CATSPERZ: variants seen among roughly 807,000 people sequenced by gnomAD.
CATSPERZ encodes the protein cation channel sperm-associated auxiliary subunit zeta.
A neutral mutation model predicts 21.7 loss-of-function variants in CATSPERZ; 21 were observed. The ratio of observed to expected loss-of-function variants is 0.97; its 90% CI spans 0.69 to 1.39. CATSPERZ has a LOEUF of 1.39. Ranked by LOEUF, CATSPERZ falls within the 40% of genes most tolerant of loss-of-function variation. CATSPERZ has a pLI of 0.00. For synonymous variants in CATSPERZ, 127 were observed against 108.7 expected, an observed-to-expected ratio of 1.17 and a Z score of -1.05; for missense variants, 234 against 259.5, an observed-to-expected ratio of 0.90 and a Z score of 0.68.
rs1445131565 is a variant in CATSPERZ, at chr11:64,304,650, C to T, written c.*4C>T. 1 of 1,561,902 alleles carries T rather than the reference C, an allele frequency of 6.4e-7. No homozygotes were observed. The highest frequency in any genetic ancestry group is 1.4e-5 in the African/African-American group (1 of 73,558). On this transcript the variant is annotated 3_prime_UTR_variant, in exon 5 of 5. Coordinates refer to ENST00000328404, the MANE Select transcript of CATSPERZ (RefSeq NM_001039496.2). ...CAAGAGGCTGTACGTGAATTAAAAA[C>T]GCCACCTTGGGCTCGAGCAGCGACC...
intron 1 of CATSPERZ, 47 bp downstream of exon 1, chr11:64,300,478 C>A: frequency 1.3e-6 from 2 of 1,567,146 alleles, no homozygotes; most frequent in Non-Finnish European, 1.7e-6. Context: ...CCAACCCACC[C>A]TTGGTCCGAC....
chr11:64,304,672 G>T lies in CATSPERZ; in HGVS notation c.*26G>T. The T allele has an allele frequency of 6.5e-7, 1 of 1,547,736 alleles. No homozygotes were observed. Among genetic ancestry groups the T allele is most frequent in the South Asian group, 1.2e-5 (1 of 84,130 alleles). On this transcript the variant is annotated 3_prime_UTR_variant, in exon 5 of 5. Coordinates refer to ENST00000328404, the MANE Select transcript of CATSPERZ (RefSeq NM_001039496.2). ...AAACGCCACCTTGGGCTCGAGCAGC[G>T]ACCCGAACCAGCCCCGTGCCAGCCC...
intron 2 of CATSPERZ, 96 bp downstream of exon 2, chr11:64,301,083 G>A: frequency 8.4e-7 from 1 of 1,186,852 alleles, no homozygotes; most frequent in Non-Finnish European, 1.2e-6. Context: ...AAGCTGATGG[G>A]ATCCAAGTTT....
Position 64,300,726 on chromosome 11 carries a change from T to G in CATSPERZ, c.91T>G (p.Trp31Gly). The change falls in exon 2 of 5, where the codon TGG becomes GGG. Residue 31 changes from tryptophan to glycine, a missense_variant. Transcript: ENST00000328404. ...ESVHSDTRDL[W>G]TTTTLSQAQL... Reference sequence around the variant, plus strand: ...CGTGCATAGCGACACTCGGGACCTGTGGACCACGACCACGCTGTCCCAGGC... The same window carrying G: ...CGTGCATAGCGACACTCGGGACCTGGGGACCACGACCACGCTGTCCCAGGC... 6.4e-7 allele frequency: 1 copy of G among 1,551,460 alleles called. No homozygotes were observed. The highest frequency in any genetic ancestry group is 1.2e-5 in the South Asian group (1 of 84,116).
chr11:64,303,533 G>A lies in CATSPERZ; in HGVS notation c.404G>A (p.Arg135Gln). The A allele has an allele frequency of 3.1e-6, 5 of 1,613,438 alleles. No individual in the cohort carries two copies. In the Admixed American group the frequency reaches 5.0e-5, roughly 16 times the overall value. ...SLNIAKHMPH[R>Q]AYWAEQQSRL... ...AATATTGCGAAGCACATGCCCCATC[G>A]AGCCTACTGGGCAGAGCAGCAGAGC... Residue 135 changes from arginine (R) to glutamine (Q), a missense_variant, in exon 3 of 5, where the codon CGA becomes CAA. Transcript: ENST00000328404.
rs139500689 is a variant in CATSPERZ, at chr11:64,301,401, C to CTTTTT, written c.352+432_352+436dup. On this transcript the variant is annotated intron_variant, in intron 2 of 4. Coordinates refer to ENST00000328404, the MANE Select transcript of CATSPERZ (RefSeq NM_001039496.2). The stretch of plus-strand genomic sequence containing the variant: ...GTTCAAGTGATCCTCCCGCCTCCCA[C>CTTTTT]TTTTTTTTTTTTTTTTTTTTTTGAG... 1.4e-4 allele frequency among the ~76,000 whole-genome samples: 14 copies of CTTTTT among 99,538 alleles called. 1 individual carries two copies. The highest frequency in any genetic ancestry group is 2.9e-4 in the East Asian group (1 of 3,496). 65.3% of individuals were successfully genotyped at this position (99,538 alleles called of 152,430 possible).
At chr11:64,303,618 G>A (rs2034963715) in intron 3 of CATSPERZ, 57 bp downstream of exon 3, 1 of 1,555,140 alleles carries the variant, frequency 6.4e-7, no homozygotes, top group Admixed American at 1.8e-5. Flanking sequence ...GGCAAATTGG[G>A]GGTTGATAGG....
At chr11:64,301,499 G>A (rs1464642349) in intron 2 of CATSPERZ, among the ~76,000 whole-genome samples, 2 of 139,284 alleles carry the variant, frequency 1.4e-5, no homozygotes, top group African/African-American at 5.3e-5. Flanking sequence ...TCCGCCTCCC[G>A]AGTAGCTGGG....
chr11:64,300,410 C>T lies in CATSPERZ; in HGVS notation c.-1C>T, dbSNP rs375983366. 9 of 1,456,994 alleles carry T rather than the reference C, an allele frequency of 6.2e-6. No individual in the cohort carries two copies. Among genetic ancestry groups the T allele is most frequent in the Middle Eastern group, 1.9e-4 (1 of 5,306 alleles). The allele number at this position is 1,456,994 out of a possible 1,614,324, so 90.3% of individuals were successfully genotyped here. A position where few individuals can be genotyped will look rare whatever the true frequency, so the allele number is the denominator to read the frequency against. ...GCGTCTGGGTCCGTTGGGGCAGAACCATGGAGGAAAAGCCTTCGAAAGTAA... is the reference window on the plus strand; with the variant it reads ...GCGTCTGGGTCCGTTGGGGCAGAACTATGGAGGAAAAGCCTTCGAAAGTAA... On this transcript the variant is annotated 5_prime_UTR_variant, in exon 1 of 5. Transcript: ENST00000328404.
At chr11:64,304,200 G>A (rs1234266667) in intron 4 of CATSPERZ, among the ~76,000 whole-genome samples, 5 of 152,178 alleles carry the variant, frequency 3.3e-5, no homozygotes, top group African/African-American at 1.2e-4. Context: ...AGTGGATTAT[G>A]TGGGTGAACT....
chr11:64,304,571 CT>C lies in CATSPERZ; in HGVS notation c.530del (p.Phe177SerfsTer2), dbSNP rs2034986106. The C allele has an allele frequency of 1.9e-6, 3 of 1,587,552 alleles. No individual in the cohort carries two copies. The African/African-American group carries it at 4.0e-5, about 21-fold the overall frequency. On this transcript the variant is annotated frameshift_variant, in exon 5 of 5. Coordinates refer to ENST00000328404, the MANE Select transcript of CATSPERZ (RefSeq NM_001039496.2). LOFTEE classifies it low-confidence loss of function (END_TRUNC). ...ACCAGTTAGGGATCGGCAGGGACCA[CT>C]TCCTGACTAAGGAGCTGCAGCGATA... ...SYQLGIGRDH[F>X]LTKELQRYIE...
At chr11:64,302,696 C>CT (rs1197252614) in intron 2 of CATSPERZ, among the ~76,000 whole-genome samples, 1 of 152,126 alleles carries the variant, frequency 6.6e-6, no homozygotes, top group East Asian at 1.9e-4. Flanking sequence ...CCTCAGCCTC[C>CT]TGAGTAGCTG....
intron 3 of CATSPERZ, 46 bp downstream of exon 3, chr11:64,303,607 A>G: frequency 6.6e-7 from 1 of 1,519,280 alleles, no homozygotes; most frequent in Non-Finnish European, 8.9e-7. Flanking sequence ...GGTAGGGGAT[A>G]GGCAAATTGG....
intron 4 of CATSPERZ, 74 bp from the exon 5 acceptor site, chr11:64,304,469 C>A: frequency 8.5e-7 from 1 of 1,179,770 alleles, no homozygotes; most frequent in Non-Finnish European, 1.2e-6. Flanking sequence ...CCTCGAATCA[C>A]ACATGCGGCG....
intron 2 of CATSPERZ, 37 bp from the exon 3 acceptor site, chr11:64,303,445 G>A (rs1301480232): frequency 1.9e-6 from 3 of 1,563,510 alleles, no homozygotes; most frequent in African/African-American, 2.7e-5. Flanking sequence ...AGGCCCAGGA[G>A]TCTGCGGATG....
At chr11:64,303,975 G>T in intron 4 of CATSPERZ, 136 bp downstream of exon 4, 1 of 860,010 alleles carries the variant, frequency 1.2e-6, no homozygotes, top group African/African-American at 1.7e-5. Flanking sequence ...GTATTCCAAG[G>T]GCCCCATAAA....
chr11:64,301,589 G>T (rs2034927828), intron 2 of CATSPERZ, among the ~76,000 whole-genome samples: 1 of 151,948 alleles, frequency 6.6e-6, no homozygotes, highest in African/African-American at 2.4e-5. Flanking sequence ...GGCCAGGCTG[G>T]TCTCGAACTC....
chr11:64,303,908 A>AG lies in CATSPERZ; in HGVS notation c.499+75dup, dbSNP rs1175178329. 14 of 1,511,848 alleles carry AG rather than the reference A, an allele frequency of 9.3e-6. No homozygotes were observed. In the Middle Eastern group the frequency reaches 8.5e-4, roughly 92 times the overall value. The allele number at this position is 1,511,848 out of a possible 1,614,324, so 93.7% of individuals were successfully genotyped here. Reference sequence around the variant, plus strand: ...GGTGGATTTTGCAGGGCTGGGGCCCAGGGGGGTGGGGTTTCAGGGTGCCTT... The same window carrying AG: ...GGTGGATTTTGCAGGGCTGGGGCCCAGGGGGGGTGGGGTTTCAGGGTGCCTT... On this transcript the variant is annotated intron_variant, in intron 4 of 4. Coordinates refer to ENST00000328404, the MANE Select transcript of CATSPERZ (RefSeq NM_001039496.2).
In CATSPERZ at chr11:64,303,540, C is replaced by T. The variant is rs1435761116; in HGVS notation, c.411C>T (p.Tyr137=). The stretch of plus-strand genomic sequence containing the variant: ...CGAAGCACATGCCCCATCGAGCCTA[C>T]TGGGCAGAGCAGCAGAGCAGGGTTG... ...NIAKHMPHRA[Y]WAEQQSRLPL... is the part of the protein sequence containing the mutation. Residue 137 remains tyrosine (Y), a synonymous_variant, in exon 3 of 5, where the codon TAC becomes TAT. Transcript: ENST00000328404. The T allele has an allele frequency of 5.6e-6, 9 of 1,613,268 alleles. No individual in the cohort carries two copies. Among genetic ancestry groups the T allele is most frequent in the Non-Finnish European group, 7.6e-6 (9 of 1,179,758 alleles).
Sources: gnomAD v4.1 joint callset for allele counts (sites outside exome capture counted in the v4.1 genomes callset) on GRCh38, gnomAD v4.1.1 for gene constraint, MANE v1.5 for transcripts, NCBI Gene and HGNC (gene_info 2026-07-23, HGNC 2026-07-21) for gene names.